SPTBN2: variants seen among roughly 807,000 people sequenced by gnomAD.
SPTBN2 encodes the protein spectrin beta, non-erythrocytic 2, also known as spectrin beta chain, non-erythrocytic 2.
Under a neutral mutation model 284.2 loss-of-function variants are expected in SPTBN2, and 107 were observed. The observed-to-expected ratio is 0.38, with a 90% confidence interval of 0.32 to 0.44. SPTBN2 has a LOEUF of 0.44. SPTBN2 is among the 20% of genes least tolerant of loss of function. SPTBN2 has a pLI of 1.00. For synonymous variants in SPTBN2, 1,289 were observed against 1,354.8 expected (o/e 0.95, Z 1.07); for missense variants, 2,569 against 3,287.1 (o/e 0.78, Z 5.34).
rs898650312 is a variant in SPTBN2 at position 66,689,297 on chromosome 11, G to C, written c.5950-117C>G. The stretch of plus-strand genomic sequence containing the variant: ...TTTCTTTCTTTCTTTTTTTTGAGAC[G>C]GAGTTTCGCTCTTATCACCAAGGCT... On this transcript the variant is annotated intron_variant, in intron 29 of 37. Coordinates refer to ENST00000533211, the MANE Select transcript of SPTBN2 (RefSeq NM_006946.4). 7.8e-6 allele frequency: 9 copies of C among 1,152,904 alleles called. No homozygotes were observed. The African/African-American group carries it at 1.4e-4, about 18-fold the overall frequency. 71.4% of individuals were successfully genotyped at this position (1,152,904 alleles called of 1,614,324 possible). A position where few individuals can be genotyped will look rare whatever the true frequency, so the allele number is the denominator to read the frequency against.
intron 1 of SPTBN2, among the ~76,000 whole-genome samples, chr11:66,741,996 T>A (rs186909584): frequency 2.0e-4 from 30 of 152,108 alleles, no homozygotes; most frequent in African/African-American, 5.8e-4. Flanking sequence ...AATTTTTAAA[T>A]TTTTTTGTAG....
At chr11:66,724,042 T>C (rs1163015367) in intron 1 of SPTBN2, among the ~76,000 whole-genome samples, 1 of 152,176 alleles carries the variant, frequency 6.6e-6, no homozygotes, top group African/African-American at 2.4e-5. Context: ...CCGCTTCGGT[T>C]TCCATGACCC....
At chr11:66,736,927 T>C (rs1050945697) in intron 1 of SPTBN2, among the ~76,000 whole-genome samples, 6 of 152,204 alleles carry the variant, frequency 3.9e-5, no homozygotes, top group Non-Finnish European at 7.3e-5. Context: ...TATCAGACCG[T>C]GTTTGAATTC....
intron 1 of SPTBN2, among the ~76,000 whole-genome samples, chr11:66,724,149 G>A (rs573287054): frequency 1.3e-5 from 2 of 152,316 alleles, no homozygotes; most frequent in South Asian, 2.1e-4. Flanking sequence ...GGCCGGGTGC[G>A]GAGGCTCACG....
At position 66,693,094 on chromosome 11, in the gene SPTBN2, G is replaced by C. The variant is rs1940674190; in HGVS notation, c.4861C>G (p.Leu1621Val). ...TTCTTCACCTCTGCCTGGGCACTCAGCTCATCCTGGGGGAAGGGACAGTGG... is the reference window on the plus strand; with the variant it reads ...TTCTTCACCTCTGCCTGGGCACTCACCTCATCCTGGGGGAAGGGACAGTGG... ...MMGQEKAKDE[L>V]SAQAEVKKHQ... Residue 1621 changes from leucine to valine, a missense_variant, in exon 25 of 38, where the codon CTG (leucine) becomes GTG (valine). Physicochemically the swap from Leu to Val is conservative, Grantham distance 32. Around this residue, in one of 6 missense-constraint regions of SPTBN2, gnomAD observed 1,130 missense variants for 1,317.3 expected, o/e 0.86. Transcript: ENST00000533211. The surrounding 1 kb of genome is among the most constrained non-coding windows in gnomAD (Gnocchi z 5.7). 1.1e-5 allele frequency: 18 copies of C among 1,614,060 alleles called. No homozygotes were observed. The highest frequency in any genetic ancestry group is 1.4e-5 in the Non-Finnish European group (17 of 1,180,042).
intron 1 of SPTBN2, 42 bp downstream of exon 1, chr11:66,728,699 C>T (rs1439239118): frequency 6.6e-6 from 1 of 152,324 alleles, no homozygotes; most frequent in East Asian, 1.9e-4. Context: ...GGTCCCCCAC[C>T]ACAGCTTACA....
Position 66,700,793 on chromosome 11 carries a change from G to T in SPTBN2, c.3306C>A (p.Ala1102=). 6.2e-7 allele frequency: 1 copy of T among 1,601,312 alleles called. No homozygotes were observed. The part of the protein sequence containing the change: ...EGPATLPEAE[A]LLAQHAALRG... ...GCAGGGCTGCATGTTGGGCCAGGAG[G>T]GCCTCTGCCTCAGGCAGGGTGGCCG... The change falls in exon 17 of 38, where the codon GCC becomes GCA. Residue 1102 remains alanine, a synonymous_variant. Transcript: ENST00000533211. This position sits in a 1 kb window ranked among gnomAD's most constrained non-coding sequence, Gnocchi z 6.6.
intron 1 of SPTBN2, among the ~76,000 whole-genome samples, chr11:66,739,682 C>T (rs1247127008): frequency 6.6e-6 from 1 of 152,186 alleles, no homozygotes; most frequent in Non-Finnish European, 1.5e-5. Context: ...ACTTCTCTTC[C>T]AGTGGACATC....
Position 66,707,873 on chromosome 11 carries a change from T to G in SPTBN2, c.1351-55A>C. 2 of 1,589,796 alleles carry G rather than the reference T, an allele frequency of 1.3e-6. No homozygotes were observed. The highest frequency in any genetic ancestry group is 1.7e-6 in the Non-Finnish European group (2 of 1,172,294). ...GGGACCAAGGGACAGTGCCTCTGCC[T>G]GCTCCTCTGTCCTGCAGGGCACTTG... On this transcript the variant is annotated intron_variant, in intron 12 of 37. Transcript: ENST00000533211. The surrounding 1 kb of genome is among the most constrained non-coding windows in gnomAD (Gnocchi z 4.9).
chr11:66,737,342 A>G (rs889332942), intron 1 of SPTBN2, among the ~76,000 whole-genome samples: 3 of 152,238 alleles, frequency 2.0e-5, no homozygotes, highest in African/African-American at 7.2e-5. Flanking sequence ...TGGCTTATAC[A>G]ATGTTTTAGG....
intron 21 of SPTBN2, 87 bp from the exon 22 acceptor site, chr11:66,694,450 C>T: frequency 7.3e-7 from 1 of 1,376,612 alleles, no homozygotes; most frequent in East Asian, 2.5e-5. Context: ...CTATCCAGCC[C>T]ACTGTGGCTG....
chr11:66,723,071 G>A (rs1035607977), intron 1 of SPTBN2, among the ~76,000 whole-genome samples: 1 of 151,910 alleles, frequency 6.6e-6, no homozygotes, highest in South Asian at 2.1e-4. Flanking sequence ...CATCCCAGAC[G>A]GATGAGCAGC....
At chr11:66,698,071 G>A (rs1941028908) in intron 20 of SPTBN2, among the ~76,000 whole-genome samples, 1 of 152,156 alleles carries the variant, frequency 6.6e-6, no homozygotes, top group African/African-American at 2.4e-5. Flanking sequence ...TGACTCTTGA[G>A]GAACAGCTGG....
chr11:66,714,527 TAGCCTGAGG>T, intron 5 of SPTBN2, 120 bp from the exon 6 acceptor site: 1 of 866,142 alleles, frequency 1.2e-6, no homozygotes, highest in East Asian at 2.6e-5. Flanking sequence ...TGGACAGGCA[TAGCCTGAGG>T]TCCTTTCAAC....
At chr11:66,701,366 C>CT in intron 16 of SPTBN2, 84 bp from the exon 17 acceptor site, 1 of 1,556,996 alleles carries the variant, frequency 6.4e-7, no homozygotes, top group Non-Finnish European at 8.7e-7. Context: ...CTCTTGGTAG[C>CT]TCCCCTTCAC....
At chr11:66,732,465 C>T (rs976882147), upstream of SPTBN2, among the ~76,000 whole-genome samples, 3 of 152,052 alleles carry the variant, frequency 2.0e-5, no homozygotes, top group Non-Finnish European at 4.4e-5. Flanking sequence ...CTGGCTAACA[C>T]AGTGAAACCC....
rs754541650 is a variant in SPTBN2 at position 66,693,744 on chromosome 11, T to A, written c.4593+28A>T. ...AAGTCTGGGCAGGCTCCTGGGAACTTCTCTTTTGCCTTCAGCCTCTGCCTC... is the reference window on the plus strand; with the variant it reads ...AAGTCTGGGCAGGCTCCTGGGAACTACTCTTTTGCCTTCAGCCTCTGCCTC... On this transcript the variant is annotated intron_variant, in intron 23 of 37. Transcript: ENST00000533211. The surrounding 1 kb of genome is among the most constrained non-coding windows in gnomAD (Gnocchi z 5.7). 4 of 1,600,300 alleles carry A rather than the reference T, an allele frequency of 2.5e-6. No individual in the cohort carries two copies.
rs2135301911 is a variant in SPTBN2, at chr11:66,687,597, G to A, written c.6552C>T (p.Thr2184=). 1 of 1,609,286 alleles carries A rather than the reference G, an allele frequency of 6.2e-7. No individual in the cohort carries two copies. Among genetic ancestry groups the A allele is most frequent in the South Asian group, 1.1e-5 (1 of 90,964 alleles). ...EANGPRGERQ[T]RTRGPAPSAM... ...CAGATGGGGCCGGGCCCCGAGTCCGGGTCTGCCTCTCTCCCCGGGGCCCAT... is the reference window on the plus strand; with the variant it reads ...CAGATGGGGCCGGGCCCCGAGTCCGAGTCTGCCTCTCTCCCCGGGGCCCAT... The change falls in exon 35 of 38, where the codon ACC becomes ACT. Residue 2184 remains threonine, a synonymous_variant. Coordinates refer to ENST00000533211, the MANE Select transcript of SPTBN2 (RefSeq NM_006946.4). This position sits in a 1 kb window ranked among gnomAD's most constrained non-coding sequence, Gnocchi z 5.2.
At position 66,700,456 on chromosome 11, in the gene SPTBN2, G is replaced by C; in HGVS notation, c.3573+70C>G. 1.3e-6 allele frequency: 2 copies of C among 1,590,850 alleles called. No individual in the cohort carries two copies. The highest frequency in any genetic ancestry group is 2.2e-5 in the South Asian group (2 of 90,508). ...CTAGCATGTCCTTCCTGCCCATCCT[G>C]CTCCTTCACATTTCCCCGGGTCCCT... On this transcript the variant is annotated intron_variant, in intron 17 of 37. Coordinates refer to ENST00000533211, the MANE Select transcript of SPTBN2 (RefSeq NM_006946.4). This position sits in a 1 kb window ranked among gnomAD's most constrained non-coding sequence, Gnocchi z 6.6.
Sources: allele counts gnomAD v4.1 joint callset (sites outside exome capture counted in the v4.1 genomes callset), GRCh38; gene constraint gnomAD v4.1.1; regional missense constraint gnomAD v4.1.1; non-coding constraint Gnocchi (gnomAD v3.1); transcripts MANE v1.5; gene names NCBI Gene and HGNC (gene_info 2026-07-23, HGNC 2026-07-21).